The following NCAM1 variants were observed in gnomAD, a reference collection of about 807,000 sequenced individuals.
The protein encoded by NCAM1 is antigen recognized by monoclonal antibody 5.1H11.
NCAM1 carries 14 observed loss-of-function variants against 109.8 expected under a neutral mutation model. The observed-to-expected ratio is 0.13, with a 90% CI of 0.08 to 0.20. The LOEUF is 0.20. Ranked by LOEUF, NCAM1 falls within the 10% of genes least tolerant of loss-of-function variation. The probability of loss-of-function intolerance (pLI) is 1.00; values close to 1 mark genes in which losing one functional copy is unlikely to be tolerated. For synonymous variants in NCAM1, 418 were observed against 442.9 expected (o/e 0.94, Z 0.70); for missense variants, 774 against 1,109.9 (o/e 0.70, Z 4.30).
chr11:113,117,782 A>G (rs1940774304), intron 1 of NCAM1, among the ~76,000 whole-genome samples: 1 of 152,070 alleles, frequency 6.6e-6, no homozygotes, highest in Non-Finnish European at 1.5e-5. Context: ...ATATGAAGAC[A>G]CTGACCTATG....
At chr11:113,267,620 G>C (rs148990430) in intron 17 of NCAM1, among the ~76,000 whole-genome samples, 2 of 152,308 alleles carry the variant, frequency 1.3e-5, no homozygotes, top group Non-Finnish European at 2.9e-5. Context: ...CCCAACAGAG[G>C]AGTGGGCAGA....
At chr11:113,266,809 T>G (rs1946141608) in intron 17 of NCAM1, among the ~76,000 whole-genome samples, 2 of 152,192 alleles carry the variant, frequency 1.3e-5, no homozygotes, top group South Asian at 4.1e-4. Context: ...GAAAAAGTCT[T>G]TCTCAGTCCA....
At chr11:113,214,036 T>G (rs1944459175) in intron 7 of NCAM1, among the ~76,000 whole-genome samples, 1 of 152,322 alleles carries the variant, frequency 6.6e-6, no homozygotes, top group South Asian at 2.1e-4. Context: ...ACCCTAGAGT[T>G]CCACCTCCTG....
chr11:113,050,933 C>A (rs532557580), intron 1 of NCAM1, among the ~76,000 whole-genome samples: 126 of 152,282 alleles, frequency 8.3e-4, no homozygotes, highest in African/African-American at 2.8e-3. Flanking sequence ...CCATCTTATA[C>A]GCATGCTGTA....
chr11:113,114,783 T>C (rs1555094518), intron 1 of NCAM1, among the ~76,000 whole-genome samples: 2 of 152,210 alleles, frequency 1.3e-5, no homozygotes, highest in African/African-American at 4.8e-5. Context: ...CAACAGGTAT[T>C]CTGTGACTGC....
intron 8 of NCAM1, among the ~76,000 whole-genome samples, chr11:113,218,478 TAAGGG>T (rs1384953947): frequency 1.3e-5 from 2 of 152,226 alleles, no homozygotes; most frequent in Non-Finnish European, 2.9e-5. Flanking sequence ...TTAGTCTTCT[TAAGGG>T]AAGAGGTGGA....
intron 1 of NCAM1, among the ~76,000 whole-genome samples, chr11:113,092,908 C>T (rs898321563): frequency 7.2e-5 from 11 of 152,150 alleles, no homozygotes; most frequent in African/African-American, 2.4e-4. Context: ...TAGGCACCCA[C>T]AAAATACTAG....
At chr11:112,974,717 C>A (rs1309147373) in intron 1 of NCAM1, among the ~76,000 whole-genome samples, 1 of 151,874 alleles carries the variant, frequency 6.6e-6, no homozygotes, top group African/African-American at 2.4e-5. Flanking sequence ...GCATCTGGTT[C>A]AATCTCTCTA....
chr11:113,197,188 T>A, intron 1 of NCAM1: 1 of 267,270 alleles, frequency 3.7e-6, no homozygotes, highest in Non-Finnish European at 8.1e-6. Flanking sequence ...GTGGGGATTA[T>A]GGGAATTACA....
At chr11:113,194,815 C>A (rs1555110522) in intron 1 of NCAM1, among the ~76,000 whole-genome samples, 1 of 152,190 alleles carries the variant, frequency 6.6e-6, no homozygotes, top group Admixed American at 6.5e-5. Context: ...AGCCCAGGGG[C>A]CTGTGGCGAC....
rs189102352 is a variant in NCAM1, at chr11:113,213,777, A to G, written c.917-592A>G. ...GCTTCCAAACTGGTTTTCCCACTTC[A>G]AAGTGTTCTCTAGTCCAATGCTTCC... On this transcript the variant is annotated intron_variant, in intron 7 of 19. Transcript: ENST00000316851. 3.9e-4 allele frequency among the ~76,000 whole-genome samples: 59 copies of G among 152,270 alleles called. No homozygotes were observed. In the East Asian group the frequency reaches 0.01, roughly 27 times the overall value.
chr11:113,252,799 C>CAT, intron 15 of NCAM1, among the ~76,000 whole-genome samples: 1 of 39,706 alleles, frequency 2.5e-5, no homozygotes, highest in South Asian at 2.0e-3. Context: ...CTATGCCCAG[C>CAT]TTTTTTTTTT....
chr11:113,076,532 A>G lies in NCAM1; in HGVS notation c.52+114868A>G, dbSNP rs75615856. ...CATTTCCTAAACCTAGACACTAAAA[A>G]ACATGGTTAGAATCTGCCCCAACTA... On this transcript the variant is annotated intron_variant, in intron 1 of 19. Coordinates refer to ENST00000316851, the MANE Select transcript of NCAM1 (RefSeq NM_181351.5). Among the ~76,000 whole-genome samples, 1,470 of 152,310 alleles carry G rather than the reference A, an allele frequency of 9.7e-3. 19 individuals are homozygous for G. The highest frequency in any genetic ancestry group is 0.033 in the African/African-American group (1,372 of 41,570).
chr11:113,207,884 C>G lies in NCAM1; in HGVS notation c.798C>G (p.Ser266Arg). Reference protein sequence around the residue: ...QEEDDEKYIFSDDSSQLTIKK... With the variant: ...QEEDDEKYIFRDDSSQLTIKK... ...AAGACGATGAGAAGTACATCTTCAG[C>G]GACGATAGTTCCCAGCTGACCATCA... Residue 266 changes from serine to arginine, a missense_variant, in exon 7 of 20, where the codon AGC becomes AGG. Transcript: ENST00000316851. 1 of 1,611,598 alleles carries G rather than the reference C, an allele frequency of 6.2e-7. No homozygotes were observed. The highest frequency in any genetic ancestry group is 8.5e-7 in the Non-Finnish European group (1 of 1,178,964).
chr11:113,266,227 G>A (rs1555124384), intron 17 of NCAM1, among the ~76,000 whole-genome samples: 1 of 152,236 alleles, frequency 6.6e-6, no homozygotes, highest in Non-Finnish European at 1.5e-5. Context: ...GATAGCCACT[G>A]AGAGGGAATG....
intron 1 of NCAM1, among the ~76,000 whole-genome samples, chr11:113,148,382 T>C (rs1555101765): frequency 1.3e-5 from 2 of 151,432 alleles, no homozygotes; most frequent in African/African-American, 4.8e-5. Flanking sequence ...TTCCTTTTTT[T>C]TCTTTTTTTC....
chr11:113,112,763 G>A (rs1434487007), intron 1 of NCAM1, among the ~76,000 whole-genome samples: 1 of 151,994 alleles, frequency 6.6e-6, no homozygotes, highest in Non-Finnish European at 1.5e-5. Flanking sequence ...TTTTTTTTAA[G>A]TACATATTAG....
At position 113,020,593 on chromosome 11, in the gene NCAM1, G is replaced by A. The variant is rs141695602; in HGVS notation, c.52+58929G>A. Among the ~76,000 whole-genome samples, 206 of 152,262 alleles carry A rather than the reference G, an allele frequency of 1.4e-3. 2 individuals carry two copies. Among genetic ancestry groups the A allele is most frequent in the African/African-American group, 4.8e-3 (200 of 41,558 alleles). Reference sequence around the variant, plus strand: ...ACTTAGGGAGAGAGTGGACAACTTAGTTTGCTATCTCAGAGCACAACATAG... The same window carrying A: ...ACTTAGGGAGAGAGTGGACAACTTAATTTGCTATCTCAGAGCACAACATAG... On this transcript the variant is annotated intron_variant, in intron 1 of 19. Transcript: ENST00000316851.
chr11:113,071,733 T>C (rs1477307321), intron 1 of NCAM1, among the ~76,000 whole-genome samples: 1 of 152,280 alleles, frequency 6.6e-6, no homozygotes, highest in East Asian at 1.9e-4. Flanking sequence ...AGCCTGTTGG[T>C]TGGAATTGTA....
Sources: gnomAD v4.1 joint callset for allele counts (sites outside exome capture counted in the v4.1 genomes callset) on GRCh38, gnomAD v4.1.1 for gene constraint, MANE v1.5 for transcripts, NCBI Gene and HGNC (gene_info 2026-07-23, HGNC 2026-07-21) for gene names.